The following C5orf34 variants were observed in gnomAD, a reference collection of about 807,000 sequenced individuals.
The protein encoded by C5orf34 is chromosome 5 open reading frame 34.
C5orf34 carries 73 observed loss-of-function variants against 78.4 expected under a neutral mutation model. The ratio of observed to expected loss-of-function variants is 0.93; its 90% CI spans 0.77 to 1.13. The LOEUF (loss-of-function observed/expected upper bound fraction) is 1.13. C5orf34 is among the 50% of genes most tolerant of loss of function. The pLI is 0.00. For missense variants in C5orf34, 730 were observed against 732.7 expected (o/e 1.00, Z 0.04); for synonymous variants, 251 against 246.6 (o/e 1.02, Z -0.17).
chr5:43,493,865 T>A (rs950675275), intron 7 of C5orf34, among the ~76,000 whole-genome samples: 2 of 152,140 alleles, frequency 1.3e-5, no homozygotes, highest in African/African-American at 4.8e-5. Flanking sequence ...ATGGACAGAA[T>A]TTTCAGGAAC....
chr5:43,490,038 A>G (rs569875317), intron 11 of C5orf34, among the ~76,000 whole-genome samples: 28 of 152,240 alleles, frequency 1.8e-4, no homozygotes, highest in African/African-American at 6.7e-4. Context: ...CATAAAAACT[A>G]TCTTCTATCT....
At chr5:43,495,389 T>C in intron 6 of C5orf34, 2 of 1,611,780 alleles carry the variant, frequency 1.2e-6, no homozygotes. Context: ...TATAGGGGCA[T>C]AGCCAGCGCT....
intron 4 of C5orf34, among the ~76,000 whole-genome samples, chr5:43,504,323 T>G (rs1439164803): frequency 6.0e-5 from 9 of 150,742 alleles, no homozygotes; most frequent in Admixed American, 5.9e-4. Flanking sequence ...ATTACTAAAA[T>G]ATCTATAGTG....
intron 6 of C5orf34, among the ~76,000 whole-genome samples, chr5:43,497,444 G>T (rs1201119244): frequency 6.6e-6 from 1 of 152,164 alleles, no homozygotes; most frequent in African/African-American, 2.4e-5. Flanking sequence ...TGAGGGCTAA[G>T]AAACAGTAGA....
chr5:43,499,310 C>G (rs1235794582), intron 6 of C5orf34, among the ~76,000 whole-genome samples: 2 of 152,144 alleles, frequency 1.3e-5, no homozygotes, highest in Admixed American at 6.5e-5. Context: ...TACAACTCCT[C>G]CTTTGGAATT....
intron 6 of C5orf34, among the ~76,000 whole-genome samples, chr5:43,500,258 A>G (rs1014510463): frequency 1.1e-4 from 17 of 152,146 alleles, no homozygotes; most frequent in African/African-American, 3.9e-4. Flanking sequence ...TATCTTTTCT[A>G]TGGCTAAATC....
At position 43,511,743 on chromosome 5, in the gene C5orf34, T is replaced by C. The variant is rs1263777104; in HGVS notation, c.-36-2368A>G. On this transcript the variant is annotated intron_variant, in intron 1 of 12. Coordinates refer to ENST00000306862, the MANE Select transcript of C5orf34 (RefSeq NM_198566.4). ...TATGACCTTACCCCCAACCCTGTGC[T>C]CTCTGAAACATGTGCTGTGTCCACT... is the stretch of plus-strand genomic sequence containing the variant. Among the ~76,000 whole-genome samples the C allele has an allele frequency of 5.9e-5, 9 of 152,274 alleles. No individual in the cohort carries two copies. In the East Asian group the frequency reaches 1.5e-3, roughly 26 times the overall value.
At chr5:43,500,961 C>A (rs1745732349) in intron 6 of C5orf34, among the ~76,000 whole-genome samples, 1 of 152,166 alleles carries the variant, frequency 6.6e-6, no homozygotes, top group Admixed American at 6.6e-5. Context: ...GTTTCTAAAC[C>A]TTTGCACTAA....
At chr5:43,510,456 C>G (rs1746177338) in intron 1 of C5orf34, among the ~76,000 whole-genome samples, 1 of 152,154 alleles carries the variant, frequency 6.6e-6, no homozygotes, top group South Asian at 2.1e-4. Flanking sequence ...CGGTCTCCCT[C>G]TCCCTCTCTT....
intron 1 of C5orf34, among the ~76,000 whole-genome samples, chr5:43,510,810 G>T (rs1452144662): frequency 6.6e-6 from 1 of 152,190 alleles, no homozygotes; most frequent in Non-Finnish European, 1.5e-5. Flanking sequence ...CCTCCCAGCC[G>T]CCTGCCTTGG....
At position 43,506,232 on chromosome 5, in the gene C5orf34, T is replaced by G; in HGVS notation, c.448A>C (p.Lys150Gln). 1 of 1,614,210 alleles carries G rather than the reference T, an allele frequency of 6.2e-7. No homozygotes were observed. The highest frequency in any genetic ancestry group is 8.5e-7 in the Non-Finnish European group (1 of 1,180,038). The change falls in exon 4 of 13, where the codon AAA becomes CAA. Residue 150 changes from lysine (K) to glutamine (Q), a missense_variant. Physicochemically the swap from Lys to Gln is moderately conservative, Grantham distance 53. Coordinates refer to ENST00000306862, the MANE Select transcript of C5orf34 (RefSeq NM_198566.4). Reference sequence around the variant, plus strand: ...GATGAGTCTGACTTCTGGCTAACTTTACACAAAAAATGTACTGTAAATTCA... The same window carrying G: ...GATGAGTCTGACTTCTGGCTAACTTGACACAAAAAATGTACTGTAAATTCA... ...QHEFTVHFLC[K>Q]VSQKSDSSAV...
intron 6 of C5orf34, chr5:43,495,887 A>T: frequency 1.3e-6 from 2 of 1,594,088 alleles, no homozygotes; most frequent in South Asian, 2.2e-5. Flanking sequence ...AGAAATTGGC[A>T]CAAATGCTAC....
intron 11 of C5orf34, 43 bp from the exon 12 acceptor site, chr5:43,487,992 T>C (rs776366584): frequency 1.8e-5 from 27 of 1,513,126 alleles, no homozygotes; most frequent in Non-Finnish European, 2.4e-5. Flanking sequence ...TGTCTGATTC[T>C]TTTGTATTCA....
At chr5:43,504,095 G>A (rs939325503) in intron 4 of C5orf34, among the ~76,000 whole-genome samples, 1 of 151,988 alleles carries the variant, frequency 6.6e-6, no homozygotes, top group Non-Finnish European at 1.5e-5. Context: ...GGCGGATCAC[G>A]AGGTCAGGAG....
rs1561213185 is a variant in C5orf34 at position 43,502,421 on chromosome 5, T to G, written c.1103A>C (p.Tyr368Ser). Residue 368 changes from tyrosine (Y) to serine (S), a missense_variant, in exon 6 of 13, where the codon TAT (tyrosine) becomes TCT (serine). Coordinates refer to ENST00000306862, the MANE Select transcript of C5orf34 (RefSeq NM_198566.4). Reference sequence around the variant, plus strand: ...ATAATAAGTAAAATAGTTCCCAAAATAAGCCCCTTCTGATTTGAAAACAGA... The same window carrying G: ...ATAATAAGTAAAATAGTTCCCAAAAGAAGCCCCTTCTGATTTGAAAACAGA... ...DGSVFKSEGA[Y>S]FGNYFTYYSI... is the part of the protein sequence containing the mutation. The G allele has an allele frequency of 6.2e-7, 1 of 1,609,124 alleles. No homozygotes were observed. The highest frequency in any genetic ancestry group is 1.7e-4 in the Middle Eastern group (1 of 6,052).
chr5:43,486,934 A>G lies in C5orf34; in HGVS notation c.1898T>C (p.Leu633Pro), dbSNP rs977931391. The change falls in exon 13 of 13, where the codon CTA (leucine) becomes CCA (proline). Residue 633 changes from leucine (L) to proline (P), a missense_variant. Transcript: ENST00000306862. ...SEILHDIDCL[L>P]SNSKK ...CATTTTTCACTTTTTAGAGTTTGAT[A>G]GAAGACAGTCAATATCGTGAAGGAT... 6.5e-7 allele frequency: 1 copy of G among 1,529,416 alleles called. No individual in the cohort carries two copies. Among genetic ancestry groups the G allele is most frequent in the Non-Finnish European group, 8.7e-7 (1 of 1,142,970 alleles). The allele number at this position is 1,529,416 out of a possible 1,614,324, so 94.7% of individuals were successfully genotyped here.
intron 6 of C5orf34, among the ~76,000 whole-genome samples, 165 bp from the exon 7 acceptor site, chr5:43,494,766 T>C (rs1388811866): frequency 6.6e-6 from 1 of 152,104 alleles, no homozygotes; most frequent in Admixed American, 6.6e-5. Flanking sequence ...TTTTTCATTT[T>C]CCCATTTTTT....
chr5:43,506,379 T>C lies in C5orf34; in HGVS notation c.301A>G (p.Ile101Val), dbSNP rs1338093283. The change falls in exon 4 of 13, where the codon ATA (isoleucine) becomes GTA (valine). Residue 101 changes from isoleucine to valine, a missense_variant. Ile to Val is a conservative substitution (Grantham distance 29). Coordinates refer to ENST00000306862, the MANE Select transcript of C5orf34 (RefSeq NM_198566.4). ...AGACTGGGCCATCTCACTTCTGTTA[T>C]GTCAATGAAGATATGCTGCAAGGAG... is the stretch of plus-strand genomic sequence containing the variant. ...SERKKHIFID[I>V]TEVRWPSLDT... is the part of the protein sequence containing the mutation. 1.2e-6 allele frequency: 2 copies of C among 1,604,784 alleles called. No homozygotes were observed. Among genetic ancestry groups the C allele is most frequent in the East Asian group, 2.2e-5 (1 of 44,720 alleles).
intron 6 of C5orf34, among the ~76,000 whole-genome samples, chr5:43,500,432 G>C (rs1023179766): frequency 6.6e-6 from 1 of 152,002 alleles, no homozygotes; most frequent in Non-Finnish European, 1.5e-5. Context: ...GTCTTGCTCT[G>C]TCTCCTAGAC....
Sources: allele counts gnomAD v4.1 joint callset (sites outside exome capture counted in the v4.1 genomes callset), GRCh38; gene constraint gnomAD v4.1.1; transcripts MANE v1.5; gene names NCBI Gene and HGNC (gene_info 2026-07-23, HGNC 2026-07-21).